CPNE8: variants seen among roughly 807,000 people sequenced by gnomAD.
The protein encoded by CPNE8 is copine-8.
Under a neutral mutation model 81.5 loss-of-function variants are expected in CPNE8, and 45 were observed. That is an observed-to-expected ratio of 0.55 (90% CI 0.44 to 0.71). The LOEUF (loss-of-function observed/expected upper bound fraction) is 0.71, where lower values mean the gene tolerates loss of function less well. Among genes scored for constraint, CPNE8 ranks in the 30% least tolerant of loss-of-function variants. The pLI is 0.00. For synonymous variants in CPNE8, 252 were observed against 226.3 expected (o/e 1.11, Z -1.02); for missense variants, 594 against 672.1 (o/e 0.88, Z 1.28).
intron 4 of CPNE8, among the ~76,000 whole-genome samples, chr12:38,840,344 AT>A (rs1943448061): frequency 6.6e-6 from 1 of 152,092 alleles, no homozygotes; most frequent in Non-Finnish European, 1.5e-5. Context: ...TCTGGACATC[AT>A]TTTAAAGGGC....
intron 13 of CPNE8, chr12:38,721,173 C>T: frequency 6.5e-6 from 1 of 152,928 alleles, no homozygotes; most frequent in Non-Finnish European, 1.5e-5. Context: ...GGTTGACCAG[C>T]AGCAGAAAGG....
At chr12:38,899,680 A>G (rs1944433009) in intron 1 of CPNE8, among the ~76,000 whole-genome samples, 1 of 152,222 alleles carries the variant, frequency 6.6e-6, no homozygotes, top group Non-Finnish European at 1.5e-5. Flanking sequence ...TGTGTAGAGT[A>G]TGTAGCTTGG....
intron 11 of CPNE8, among the ~76,000 whole-genome samples, chr12:38,729,196 A>T (rs1175780627): frequency 2.0e-5 from 3 of 152,130 alleles, no homozygotes; most frequent in African/African-American, 7.2e-5. Flanking sequence ...TGTTAGGCAG[A>T]CAAAATAGGT....
At chr12:38,885,956 C>A (rs1370291527) in intron 1 of CPNE8, among the ~76,000 whole-genome samples, 1 of 152,148 alleles carries the variant, frequency 6.6e-6, no homozygotes, top group Admixed American at 6.5e-5. Context: ...TTTCTGGAGG[C>A]CTCCCCAGCT....
chr12:38,896,695 G>C (rs1480549323), intron 1 of CPNE8, among the ~76,000 whole-genome samples: 1 of 152,132 alleles, frequency 6.6e-6, no homozygotes, highest in Non-Finnish European at 1.5e-5. Context: ...GGTGGAATCT[G>C]TAGAAACTGA....
Position 38,736,951 on chromosome 12 carries a change from G to A in CPNE8, c.723-6593C>T, listed in dbSNP as rs543393984. 1.1e-4 allele frequency among the ~76,000 whole-genome samples: 16 copies of A among 151,910 alleles called. No homozygotes were observed. In the East Asian group the frequency reaches 2.3e-3, roughly 22 times the overall value. Reference sequence around the variant, plus strand: ...AGGTTAAAATCTTGTCCAGTTTCACGGATTTTAAAATACTTATGTAACTCA... The same window carrying A: ...AGGTTAAAATCTTGTCCAGTTTCACAGATTTTAAAATACTTATGTAACTCA... On this transcript the variant is annotated intron_variant, in intron 10 of 19. Coordinates refer to ENST00000331366, the MANE Select transcript of CPNE8 (RefSeq NM_153634.3).
chr12:38,793,155 G>T (rs1942367477), intron 6 of CPNE8, among the ~76,000 whole-genome samples: 1 of 151,334 alleles, frequency 6.6e-6, no homozygotes. Flanking sequence ...TTTCCTCTAA[G>T]ATCAAGAGGA....
At chr12:38,737,496 A>C (rs1940982641) in intron 10 of CPNE8, among the ~76,000 whole-genome samples, 1 of 152,160 alleles carries the variant, frequency 6.6e-6, no homozygotes, top group Admixed American at 6.6e-5. Context: ...ACTCATTTAC[A>C]TACTGGGATA....
chr12:38,794,346 CTG>C (rs1196244865), intron 6 of CPNE8, among the ~76,000 whole-genome samples: 1 of 151,832 alleles, frequency 6.6e-6, no homozygotes, highest in Non-Finnish European at 1.5e-5. Context: ...TTTAAATAAT[CTG>C]ATTAAAAAGT....
chr12:38,871,001 T>C (rs1408048978), intron 3 of CPNE8, among the ~76,000 whole-genome samples: 1 of 152,080 alleles, frequency 6.6e-6, no homozygotes, highest in African/African-American at 2.4e-5. Context: ...AGTCAATATT[T>C]GTGAAGGGTT....
intron 1 of CPNE8, among the ~76,000 whole-genome samples, chr12:38,905,218 A>C (rs1051981560): frequency 6.6e-6 from 1 of 152,138 alleles, no homozygotes; most frequent in African/African-American, 2.4e-5. Flanking sequence ...GTTTCCCAGA[A>C]AGAAAATACA....
At chr12:38,798,060 A>C (rs1480703549) in intron 6 of CPNE8, among the ~76,000 whole-genome samples, 5 of 152,192 alleles carry the variant, frequency 3.3e-5, no homozygotes, top group African/African-American at 1.2e-4. Context: ...GAAAAGACCA[A>C]ATCTACGTCT....
Position 38,787,831 on chromosome 12 carries a change from T to C in CPNE8, c.408-11530A>G, listed in dbSNP as rs189656495. ...ACATAAGCACCTATATGCCAATAAG[T>C]TAAGAAATCTACAAGAAATGAACAA... On this transcript the variant is annotated intron_variant, in intron 6 of 19. Coordinates refer to ENST00000331366, the MANE Select transcript of CPNE8 (RefSeq NM_153634.3). Among the ~76,000 whole-genome samples, 59 of 151,612 alleles carry C rather than the reference T, an allele frequency of 3.9e-4. No homozygotes were observed. The East Asian group carries it at 9.7e-3, about 25-fold the overall frequency.
At chr12:38,824,953 A>C (rs1027935648) in intron 6 of CPNE8, among the ~76,000 whole-genome samples, 1 of 152,150 alleles carries the variant, frequency 6.6e-6, no homozygotes, top group Non-Finnish European at 1.5e-5. Flanking sequence ...AAACAGTAGA[A>C]TGTTTAGTGG....
At chr12:38,832,949 G>A (rs370242640) in intron 5 of CPNE8, among the ~76,000 whole-genome samples, 1 of 151,892 alleles carries the variant, frequency 6.6e-6, no homozygotes, top group South Asian at 2.1e-4. Flanking sequence ...CAACCTCCGA[G>A]AGATAATACA....
chr12:38,808,228 T>C (rs1185833961), intron 6 of CPNE8, among the ~76,000 whole-genome samples: 3 of 152,142 alleles, frequency 2.0e-5, no homozygotes, highest in African/African-American at 7.2e-5. Flanking sequence ...AGAAATATCA[T>C]TTGACCCAGC....
chr12:38,658,712 C>T (rs906268999), intron 19 of CPNE8, among the ~76,000 whole-genome samples: 1 of 152,068 alleles, frequency 6.6e-6, no homozygotes, highest in Non-Finnish European at 1.5e-5. Context: ...CAGCAGAAAC[C>T]CTACAAGCCA....
chr12:38,863,738 C>T (rs1434977545), intron 3 of CPNE8, among the ~76,000 whole-genome samples: 2 of 152,138 alleles, frequency 1.3e-5, no homozygotes, highest in African/African-American at 4.8e-5. Flanking sequence ...GGAAATTTTA[C>T]CCATGGGATC....
chr12:38,751,146 C>T (rs1250503276), intron 10 of CPNE8, among the ~76,000 whole-genome samples: 1 of 152,146 alleles, frequency 6.6e-6, no homozygotes, highest in Admixed American at 6.5e-5. Context: ...GTGAGGCTTC[C>T]CCAGCCACTT....
Sources: allele counts gnomAD v4.1 joint callset (sites outside exome capture counted in the v4.1 genomes callset), GRCh38; gene constraint gnomAD v4.1.1; transcripts MANE v1.5; gene names NCBI Gene and HGNC (gene_info 2026-07-23, HGNC 2026-07-21).